Variants in MINDY4 observed in about 807,000 individuals in gnomAD.
MINDY4 encodes MINDY lysine 48 deubiquitinase 4.
Under a neutral mutation model 87.0 loss-of-function variants are expected in MINDY4, and 68 were observed. The ratio of observed to expected loss-of-function variants is 0.78; its 90% CI spans 0.64 to 0.96. The LOEUF (loss-of-function observed/expected upper bound fraction) is 0.96. Ranked by LOEUF, MINDY4 falls within the 40% of genes least tolerant of loss-of-function variation. The pLI is 0.00. For missense variants in MINDY4, 919 were observed against 928.2 expected (o/e 0.99, Z 0.13); for synonymous variants, 379 against 363.2 (o/e 1.04, Z -0.50).
intron 12 of MINDY4, chr7:30,857,640 T>C (rs992385429): frequency 1.1e-5 from 1 of 88,140 alleles, no homozygotes; most frequent in African/African-American, 1.0e-4. Flanking sequence ...GCCCGGCTAA[T>C]TTTTTGTATT....
intron 9 of MINDY4, among the ~76,000 whole-genome samples, chr7:30,844,718 G>A (rs1789152464): frequency 6.6e-6 from 1 of 152,160 alleles, no homozygotes; most frequent in Non-Finnish European, 1.5e-5. Context: ...GGCTGGGAGG[G>A]GGAATGCCTG....
In MINDY4 at chr7:30,791,376, A is replaced by G; in HGVS notation, c.875A>G (p.His292Arg). The change falls in exon 5 of 18, where the codon CAT (histidine) becomes CGT (arginine). Residue 292 changes from histidine (H) to arginine (R), a missense_variant. Physicochemically the swap from His to Arg is conservative, Grantham distance 29. Coordinates refer to ENST00000265299, the MANE Select transcript of MINDY4 (RefSeq NM_032222.3). ...AAAACCACTGCCAGCAGCCCTCCCC[A>G]TCTGCCCAGCAAACGGCTGCCCCCA... ...RQKTTASSPP[H>R]LPSKRLPPWD... The G allele has an allele frequency of 6.2e-7, 1 of 1,614,032 alleles. No homozygotes were observed. The highest frequency in any genetic ancestry group is 1.1e-5 in the South Asian group (1 of 91,076).
intron 10 of MINDY4, among the ~76,000 whole-genome samples, chr7:30,851,809 C>T (rs1284300496): frequency 3.3e-5 from 5 of 152,240 alleles, no homozygotes; most frequent in African/African-American, 4.8e-5. Context: ...CTGGGGACTG[C>T]ACACCCAGGG....
rs1026290578 is a variant in MINDY4, at chr7:30,853,295, G to C, written c.1612-99G>C. 21 of 951,922 alleles carry C rather than the reference G, an allele frequency of 2.2e-5. No homozygotes were observed. In the African/African-American group the frequency reaches 3.4e-4, roughly 15 times the overall value. The allele number at this position is 951,922 out of a possible 1,614,324, so 59.0% of individuals were successfully genotyped here. ...TCTGACGCAGGGACATTCCCAAGTT[G>C]GATTTTGTAGCTACTAAAGCCAGGG... On this transcript the variant is annotated intron_variant, in intron 11 of 17. Coordinates refer to ENST00000265299, the MANE Select transcript of MINDY4 (RefSeq NM_032222.3).
chr7:30,853,295 G>A (rs1026290578), intron 11 of MINDY4, 99 bp from the exon 12 acceptor site: 2 of 951,922 alleles, frequency 2.1e-6, no homozygotes, highest in Non-Finnish European at 3.3e-6. Context: ...TTCCCAAGTT[G>A]GATTTTGTAG....
At chr7:30,860,368 G>T (rs1789714951) in intron 13 of MINDY4, among the ~76,000 whole-genome samples, 1 of 152,084 alleles carries the variant, frequency 6.6e-6, no homozygotes, top group Non-Finnish European at 1.5e-5. Context: ...TGCTGCTTCT[G>T]ACCTTATTAA....
chr7:30,811,744 C>A (rs1422619409), intron 5 of MINDY4, among the ~76,000 whole-genome samples: 1 of 152,174 alleles, frequency 6.6e-6, no homozygotes, highest in East Asian at 1.9e-4. Context: ...CTGTTCTGTT[C>A]CGTTCTAATT....
At chr7:30,789,478 G>C (rs1584240134) in intron 4 of MINDY4, among the ~76,000 whole-genome samples, 1 of 152,112 alleles carries the variant, frequency 6.6e-6, no homozygotes, top group Admixed American at 6.5e-5. Context: ...AAGATTGTTG[G>C]GTATTTCATC....
chr7:30,786,819 A>G (rs1010627781), intron 4 of MINDY4, among the ~76,000 whole-genome samples: 5 of 152,202 alleles, frequency 3.3e-5, no homozygotes, highest in Non-Finnish European at 7.3e-5. Flanking sequence ...TGACCATGGT[A>G]GAATTCCATT....
intron 5 of MINDY4, among the ~76,000 whole-genome samples, chr7:30,797,302 A>G (rs1242186949): frequency 6.6e-6 from 1 of 152,210 alleles, no homozygotes. Flanking sequence ...TAACACCAAA[A>G]CAAGGAAATA....
intron 9 of MINDY4, among the ~76,000 whole-genome samples, chr7:30,846,421 G>A (rs1584307884): frequency 1.3e-5 from 2 of 152,326 alleles, no homozygotes; most frequent in East Asian, 1.9e-4. Flanking sequence ...CTAGATAAAT[G>A]TCTTTTTCCT....
intron 5 of MINDY4, among the ~76,000 whole-genome samples, chr7:30,821,428 A>G (rs1438096705): frequency 3.3e-5 from 5 of 151,980 alleles, no homozygotes; most frequent in Non-Finnish European, 5.9e-5. Context: ...ATGTTATTTT[A>G]TTGTCTTATG....
intron 5 of MINDY4, among the ~76,000 whole-genome samples, chr7:30,792,782 G>A: frequency 6.6e-6 from 1 of 151,918 alleles, no homozygotes; most frequent in Non-Finnish European, 1.5e-5. Context: ...TATCATTTGT[G>A]TAATATACTC....
At chr7:30,888,760 C>T (rs1189564097) in intron 17 of MINDY4, among the ~76,000 whole-genome samples, 1 of 152,204 alleles carries the variant, frequency 6.6e-6, no homozygotes, top group Non-Finnish European at 1.5e-5. Context: ...AAACTGCTTC[C>T]CTCTGGTGTT....
chr7:30,879,180 AGAAAGGGCCTTTAAG>A lies in MINDY4; in HGVS notation c.1972-2996_1972-2982del, dbSNP rs546242147. ...AGAATGTATTAATAACTGTATTTGG[AGAAAGGGCCTTTAAG>A]GAAATGATTAAGGTAAAATGAGGTC... On this transcript the variant is annotated intron_variant, in intron 15 of 17. Transcript: ENST00000265299. Among the ~76,000 whole-genome samples the A allele has an allele frequency of 1.5e-3, 226 of 152,292 alleles. 1 individual carries two copies. Among genetic ancestry groups the A allele is most frequent in the Middle Eastern group, 0.014 (4 of 294 alleles).
intron 7 of MINDY4, among the ~76,000 whole-genome samples, chr7:30,838,159 C>T (rs566460847): frequency 1.5e-3 from 225 of 152,064 alleles, no homozygotes; most frequent in African/African-American, 5.2e-3. Flanking sequence ...GGGGAGTGGG[C>T]GGGGACCTGC....
chr7:30,778,399 A>G (rs780883742), intron 1 of MINDY4, 33 bp from the exon 2 acceptor site: 2 of 1,613,858 alleles, frequency 1.2e-6, no homozygotes, highest in South Asian at 1.1e-5. Flanking sequence ...TTGATTTAAG[A>G]TGGTAAACAG....
intron 9 of MINDY4, among the ~76,000 whole-genome samples, chr7:30,842,448 G>A (rs1479797187): frequency 1.3e-5 from 2 of 152,200 alleles, no homozygotes; most frequent in Non-Finnish European, 2.9e-5. Flanking sequence ...TGCTAAGTAA[G>A]AACCGCTGGC....
At chr7:30,886,659 G>C (rs1384240086) in intron 17 of MINDY4, among the ~76,000 whole-genome samples, 1 of 152,200 alleles carries the variant, frequency 6.6e-6, no homozygotes, top group Non-Finnish European at 1.5e-5. Flanking sequence ...CCACCACCTG[G>C]CTTTGTTGCC....
Sources: allele counts gnomAD v4.1 joint callset (sites outside exome capture counted in the v4.1 genomes callset), GRCh38; gene constraint gnomAD v4.1.1; transcripts MANE v1.5; gene names NCBI Gene and HGNC (gene_info 2026-07-23, HGNC 2026-07-21).